Variants in SNX29 observed in about 807,000 individuals in gnomAD.
The protein encoded by SNX29 is sorting nexin 29.
In SNX29, 78 loss-of-function variants were observed where a neutral mutation model predicts 102.1. The observed-to-expected ratio is 0.76, with a 90% CI of 0.64 to 0.92. SNX29 has a LOEUF of 0.92. SNX29 is among the 40% of genes least tolerant of loss of function. The probability of loss-of-function intolerance (pLI) is 0.00; values close to 1 mark genes in which losing one functional copy is unlikely to be tolerated. For synonymous variants in SNX29, 580 were observed against 414.5 expected (o/e 1.40, Z -4.85); for missense variants, 1,280 against 1,061.7 (o/e 1.21, Z -2.86).
rs369015533 is a variant in SNX29, at chr16:12,063,366, C to CT, written c.1243+1746dup. Among the ~76,000 whole-genome samples, 370 of 55,390 alleles carry CT rather than the reference C, an allele frequency of 6.7e-3. 69 individuals carry two copies. The highest frequency in any genetic ancestry group is 7.7e-3 in the South Asian group (8 of 1,044). 36.3% of individuals were successfully genotyped at this position (55,390 alleles called of 152,430 possible). ...CCCACCTCTTCTTTTCCTAGTCCAT[C>CT]TTTTTTTTTTTTTTTTTTTTTTTTT... is the stretch of plus-strand genomic sequence containing the variant. On this transcript the variant is annotated intron_variant, in intron 9 of 20. Coordinates refer to ENST00000566228, the MANE Select transcript of SNX29 (RefSeq NM_032167.5).
intron 8 of SNX29, among the ~76,000 whole-genome samples, chr16:12,055,508 G>A (rs918449990): frequency 1.3e-5 from 2 of 152,120 alleles, no homozygotes; most frequent in Admixed American, 6.6e-5. Flanking sequence ...TGGGATTACA[G>A]GCATGAGCCA....
chr16:12,114,293 T>C (rs1268620359), intron 11 of SNX29, among the ~76,000 whole-genome samples: 1 of 152,122 alleles, frequency 6.6e-6, no homozygotes, highest in Non-Finnish European at 1.5e-5. Flanking sequence ...GGTTGGATGG[T>C]TTTCAGGTCT....
At chr16:12,329,606 C>T (rs1425883197) in intron 15 of SNX29, among the ~76,000 whole-genome samples, 3 of 152,190 alleles carry the variant, frequency 2.0e-5, no homozygotes, top group South Asian at 2.1e-4. Context: ...TTGTACCCCA[C>T]ACAGCCCTAT....
intron 13 of SNX29, chr16:12,135,520 C>T (rs990793914): frequency 2.3e-6 from 3 of 1,318,996 alleles, no homozygotes; most frequent in East Asian, 4.2e-5. Flanking sequence ...AGGATGGTGC[C>T]AGCCAGTTCT....
rs550277966 is a variant in SNX29 at position 12,543,651 on chromosome 16, C to G, written c.2318+18810C>G. ...GCTCCGCAGCTGGTGCCGTCTGTCTCCAGACGCTCTTCCAGCCTGCATTCA... is the reference window on the plus strand; with the variant it reads ...GCTCCGCAGCTGGTGCCGTCTGTCTGCAGACGCTCTTCCAGCCTGCATTCA... On this transcript the variant is annotated intron_variant, in intron 20 of 20. Transcript: ENST00000566228. Among the ~76,000 whole-genome samples, 26 of 152,360 alleles carry G rather than the reference C, an allele frequency of 1.7e-4. No homozygotes were observed. The South Asian group carries it at 3.9e-3, about 23-fold the overall frequency.
intron 18 of SNX29, among the ~76,000 whole-genome samples, chr16:12,430,390 GT>G (rs2085262051): frequency 1.3e-5 from 2 of 152,228 alleles, no homozygotes; most frequent in South Asian, 4.1e-4. Flanking sequence ...ACTTACATCA[GT>G]TGCTGTGTTT....
At chr16:12,515,068 C>T (rs1234434300) in intron 19 of SNX29, among the ~76,000 whole-genome samples, 3 of 152,110 alleles carry the variant, frequency 2.0e-5, no homozygotes, top group African/African-American at 7.2e-5. Context: ...CTAGTGACGG[C>T]TCCTCCTGCT....
intron 3 of SNX29, among the ~76,000 whole-genome samples, chr16:12,025,233 T>C (rs1050060290): frequency 2.2e-5 from 3 of 135,608 alleles, no homozygotes; most frequent in Admixed American, 8.8e-5. Flanking sequence ...ACCTGGGAGG[T>C]GGACGTTGCA....
chr16:12,535,766 C>G (rs994495849), intron 20 of SNX29, among the ~76,000 whole-genome samples: 4 of 151,910 alleles, frequency 2.6e-5, no homozygotes, highest in African/African-American at 4.8e-5. Context: ...TGTGTGTCTC[C>G]TCTGGAGGTC....
chr16:12,433,337 A>G (rs1455517683), intron 18 of SNX29, among the ~76,000 whole-genome samples: 2 of 152,078 alleles, frequency 1.3e-5, no homozygotes, highest in East Asian at 1.9e-4. Context: ...GGATCATAAA[A>G]CTGTAACGAT....
rs1392288202 is a variant in SNX29, at chr16:12,574,123, G to T, written c.*5494G>T. 2 of 184,454 alleles carry T rather than the reference G, an allele frequency of 1.1e-5. No homozygotes were observed. The highest frequency in any genetic ancestry group is 2.3e-5 in the Non-Finnish European group (2 of 87,012). 11.4% of individuals were successfully genotyped at this position (184,454 alleles called of 1,614,324 possible). A position where few individuals can be genotyped will look rare whatever the true frequency, so the allele number is the denominator to read the frequency against. ...ATCTTAACTACCCTCTTATGTTAAG[G>T]TTTACATAATAGGATTTTTAAACAA... On this transcript the variant is annotated 3_prime_UTR_variant, in exon 21 of 21. Transcript: ENST00000566228.
intron 18 of SNX29, among the ~76,000 whole-genome samples, chr16:12,462,255 A>G (rs528004314): frequency 6.6e-6 from 1 of 151,532 alleles, no homozygotes; most frequent in Admixed American, 6.6e-5. Flanking sequence ...TCACTCTTGG[A>G]CATTGCCTCT....
At chr16:12,003,139 G>A (rs2056347393) in intron 3 of SNX29, 96 bp downstream of exon 3, 1 of 1,443,232 alleles carries the variant, frequency 6.9e-7, no homozygotes, top group Admixed American at 1.7e-5. Flanking sequence ...AGGTTGGAAA[G>A]GCGGCAGAAG....
chr16:12,047,651 C>CTT (rs376623418), intron 6 of SNX29, among the ~76,000 whole-genome samples: 302 of 126,432 alleles, frequency 2.4e-3, no homozygotes, highest in East Asian at 6.3e-3. Context: ...GGACCAAGGT[C>CTT]TTTTTTTTTT....
chr16:12,042,471 T>C (rs1239027849), intron 4 of SNX29, among the ~76,000 whole-genome samples: 1 of 152,176 alleles, frequency 6.6e-6, no homozygotes, highest in East Asian at 1.9e-4. Context: ...CCGTCTGTGC[T>C]CTCCTCCCTC....
intron 15 of SNX29, among the ~76,000 whole-genome samples, chr16:12,303,039 T>G (rs1219497371): frequency 6.6e-6 from 1 of 152,216 alleles, no homozygotes; most frequent in Non-Finnish European, 1.5e-5. Context: ...GTTCTTGAAG[T>G]AAGCTAGATA....
intron 13 of SNX29, among the ~76,000 whole-genome samples, chr16:12,137,942 C>T (rs2054722882): frequency 6.6e-6 from 1 of 152,192 alleles, no homozygotes; most frequent in Non-Finnish European, 1.5e-5. Flanking sequence ...CAGTAGGCTT[C>T]ATCCTGCTGC....
intron 14 of SNX29, among the ~76,000 whole-genome samples, chr16:12,268,501 T>C (rs1421968484): frequency 1.3e-5 from 2 of 152,174 alleles, no homozygotes; most frequent in Non-Finnish European, 2.9e-5. Context: ...GATGTTACTG[T>C]TAGGAAGACC....
At chr16:12,210,096 C>A (rs1251420686) in intron 14 of SNX29, among the ~76,000 whole-genome samples, 2 of 152,190 alleles carry the variant, frequency 1.3e-5, no homozygotes, top group South Asian at 2.1e-4. Flanking sequence ...CTCTGTCCAG[C>A]CCTCAATCCA....
Sources: gnomAD v4.1 joint callset for allele counts (sites outside exome capture counted in the v4.1 genomes callset) on GRCh38, gnomAD v4.1.1 for gene constraint, MANE v1.5 for transcripts, NCBI Gene and HGNC (gene_info 2026-07-23, HGNC 2026-07-21) for gene names.